The following NRG3 variants were observed in gnomAD, a reference collection of about 807,000 sequenced individuals.
NRG3 encodes the protein neuregulin 3.
In NRG3, 31 loss-of-function variants were observed where a neutral mutation model predicts 66.9. That is an observed-to-expected ratio of 0.46 (90% CI 0.35 to 0.63). NRG3 has a LOEUF of 0.63. Ranked by LOEUF, NRG3 falls within the 20% of genes least tolerant of loss-of-function variation. The pLI is 0.00. For missense variants in NRG3, 910 were observed against 878.9 expected (o/e 1.04, Z -0.45); for synonymous variants, 393 against 359.4 (o/e 1.09, Z -1.06).
chr10:81,933,269 C>T (rs977436703), intron 1 of NRG3, among the ~76,000 whole-genome samples: 2 of 152,002 alleles, frequency 1.3e-5, no homozygotes, highest in African/African-American at 2.4e-5. Context: ...TTCCTAGAAT[C>T]CTTCAGATCC....
At chr10:82,662,646 A>G (rs887051518) in intron 2 of NRG3, among the ~76,000 whole-genome samples, 1 of 152,152 alleles carries the variant, frequency 6.6e-6, no homozygotes, top group African/African-American at 2.4e-5. Flanking sequence ...GTGCCCAGCT[A>G]CTGCACTAGC....
chr10:82,214,986 A>T (rs1314581674), intron 1 of NRG3, among the ~76,000 whole-genome samples: 1 of 152,170 alleles, frequency 6.6e-6, no homozygotes, highest in Admixed American at 6.5e-5. Context: ...TTCCCCCAAC[A>T]TGATGGCAAA....
At chr10:82,290,371 G>A (rs1318514264) in intron 1 of NRG3, among the ~76,000 whole-genome samples, 1 of 152,076 alleles carries the variant, frequency 6.6e-6, no homozygotes, top group Non-Finnish European at 1.5e-5. Flanking sequence ...GTATGTTTTA[G>A]TAATCATGAA....
chr10:82,215,711 A>G (rs57579951), intron 1 of NRG3, among the ~76,000 whole-genome samples: 3,129 of 152,240 alleles, frequency 0.021, 133 homozygotes, highest in East Asian at 0.13. Flanking sequence ...CTATTGACCT[A>G]TATATGAAAC....
intron 4 of NRG3, among the ~76,000 whole-genome samples, chr10:82,884,896 A>C (rs1208814849): frequency 1.3e-5 from 2 of 152,196 alleles, no homozygotes; most frequent in Non-Finnish European, 2.9e-5. Flanking sequence ...TATATACAAA[A>C]AATATTGATT....
intron 2 of NRG3, among the ~76,000 whole-genome samples, chr10:82,614,744 C>T (rs2048529995): frequency 1.3e-5 from 2 of 152,106 alleles, no homozygotes; most frequent in Non-Finnish European, 2.9e-5. Context: ...TTTCTCCTGA[C>T]CCTTTTATCC....
chr10:82,784,151 C>G (rs554533993), intron 3 of NRG3, among the ~76,000 whole-genome samples: 65 of 152,136 alleles, frequency 4.3e-4, no homozygotes, highest in African/African-American at 1.5e-3. Flanking sequence ...AACTGGCTAG[C>G]CATATGTAGA....
At chr10:82,816,777 C>T (rs558620440) in intron 3 of NRG3, among the ~76,000 whole-genome samples, 26 of 152,344 alleles carry the variant, frequency 1.7e-4, no homozygotes, top group Admixed American at 1.1e-3. Context: ...CCCAGCTGTT[C>T]CAGGCTCCCA....
intron 3 of NRG3, among the ~76,000 whole-genome samples, chr10:82,864,462 T>C (rs1245201252): frequency 6.6e-6 from 1 of 152,184 alleles, no homozygotes; most frequent in Non-Finnish European, 1.5e-5. Flanking sequence ...CAGCAATTAG[T>C]CTTGGAAACA....
chr10:82,983,205 C>T (rs565290174), intron 8 of NRG3, among the ~76,000 whole-genome samples: 3 of 152,152 alleles, frequency 2.0e-5, no homozygotes, highest in African/African-American at 4.8e-5. Flanking sequence ...CACTGGTGAA[C>T]CTGACAGGCA....
At chr10:82,008,238 A>G (rs2132607536) in intron 1 of NRG3, among the ~76,000 whole-genome samples, 1 of 152,252 alleles carries the variant, frequency 6.6e-6, no homozygotes, top group East Asian at 1.9e-4. Flanking sequence ...ATCGGGAGGG[A>G]ATAGTGCTAA....
intron 2 of NRG3, among the ~76,000 whole-genome samples, chr10:82,671,204 G>A (rs1307432884): frequency 6.6e-6 from 1 of 152,172 alleles, no homozygotes; most frequent in Non-Finnish European, 1.5e-5. Flanking sequence ...CTGCAACACT[G>A]TGACTCCTTT....
intron 2 of NRG3, among the ~76,000 whole-genome samples, chr10:82,691,494 G>C (rs1247814040): frequency 6.6e-6 from 1 of 152,146 alleles, no homozygotes; most frequent in African/African-American, 2.4e-5. Context: ...CATGATTCCA[G>C]ATCTCACTGA....
chr10:82,258,097 C>A (rs2077827786), intron 1 of NRG3, among the ~76,000 whole-genome samples: 1 of 152,174 alleles, frequency 6.6e-6, no homozygotes, highest in South Asian at 2.1e-4. Flanking sequence ...CTCTTTGTAA[C>A]CGCTTTGTTA....
At chr10:82,778,828 T>C (rs2060008708) in intron 3 of NRG3, among the ~76,000 whole-genome samples, 1 of 151,994 alleles carries the variant, frequency 6.6e-6, no homozygotes, top group Non-Finnish European at 1.5e-5. Flanking sequence ...GTTGGTTCAG[T>C]TGCTGGGGGA....
intron 2 of NRG3, among the ~76,000 whole-genome samples, chr10:82,359,514 A>G (rs772936728): frequency 3.9e-5 from 6 of 152,218 alleles, no homozygotes; most frequent in Non-Finnish European, 7.3e-5. Context: ...TTTTAGAGAC[A>G]TAAGGTTATG....
At chr10:82,503,237 T>G (rs1462994636) in intron 2 of NRG3, among the ~76,000 whole-genome samples, 1 of 152,148 alleles carries the variant, frequency 6.6e-6, no homozygotes, top group Non-Finnish European at 1.5e-5. Context: ...AATAAGCTTA[T>G]GAACTTTAGA....
intron 3 of NRG3, among the ~76,000 whole-genome samples, chr10:82,845,780 C>T (rs72819694): frequency 0.085 from 12,968 of 152,138 alleles, 930 homozygotes; most frequent in East Asian, 0.23. Flanking sequence ...ATTTTATCTA[C>T]CTTGAATATT....
At chr10:82,118,484 G>T (rs1290518939) in intron 1 of NRG3, among the ~76,000 whole-genome samples, 1 of 151,964 alleles carries the variant, frequency 6.6e-6, no homozygotes, top group Admixed American at 6.6e-5. Flanking sequence ...TTTTTTAATA[G>T]TGTGAGAAAT....
Sources: allele counts gnomAD v4.1 joint callset (sites outside exome capture counted in the v4.1 genomes callset), GRCh38; gene constraint gnomAD v4.1.1; transcripts MANE v1.5; gene names NCBI Gene and HGNC (gene_info 2026-07-23, HGNC 2026-07-21).